The following CPXM2 variants were observed in gnomAD, a reference collection of about 807,000 sequenced individuals.
CPXM2 encodes inactive carboxypeptidase-like protein X2.
Under a neutral mutation model 86.1 loss-of-function variants are expected in CPXM2, and 66 were observed. The ratio of observed to expected loss-of-function variants is 0.77; its 90% CI spans 0.63 to 0.94. The LOEUF (loss-of-function observed/expected upper bound fraction) is 0.94, where lower values mean the gene tolerates loss of function less well. Among genes scored for constraint, CPXM2 ranks in the 40% least tolerant of loss-of-function variants. CPXM2 has a pLI of 0.00. For synonymous variants in CPXM2, 388 were observed against 400.2 expected, an observed-to-expected ratio of 0.97 and a Z score of 0.36; for missense variants, 948 against 1,026.3, an observed-to-expected ratio of 0.92 and a Z score of 1.04.
At chr10:123,785,133 C>A (rs1361896443) in intron 6 of CPXM2, among the ~76,000 whole-genome samples, 2 of 152,138 alleles carry the variant, frequency 1.3e-5, no homozygotes, top group African/African-American at 2.4e-5. Flanking sequence ...ATTTTCAATA[C>A]ATCTCTGCTT....
At chr10:123,924,316 TTC>T (rs1431771059) in intron 2 of CPXM2, among the ~76,000 whole-genome samples, 2 of 152,200 alleles carry the variant, frequency 1.3e-5, no homozygotes, top group East Asian at 3.9e-4. Flanking sequence ...TTACCCACAG[TTC>T]TGTCTGACGT....
chr10:123,813,400 C>A (rs1319977550), intron 4 of CPXM2, among the ~76,000 whole-genome samples: 2 of 152,156 alleles, frequency 1.3e-5, no homozygotes, highest in African/African-American at 2.4e-5. Flanking sequence ...ATGCTCTGTT[C>A]CCCTATTCTT....
At position 123,885,583 on chromosome 10, in the gene CPXM2, G is replaced by A. The variant is rs970367165; in HGVS notation, c.305-5274C>T. Among the ~76,000 whole-genome samples, 5 of 152,212 alleles carry A rather than the reference G, an allele frequency of 3.3e-5. No individual in the cohort carries two copies. The highest frequency in any genetic ancestry group is 1.3e-4 in the Admixed American group (2 of 15,292). The stretch of plus-strand genomic sequence containing the variant: ...TGCTAACCATCCTATGATGCCCAAC[G>A]AGTAGCCAGCTGGCTGCCAGCCAGA... On this transcript the variant is annotated intron_variant, in intron 1 of 13. Transcript: ENST00000241305. The surrounding 1 kb of genome is among the most constrained non-coding windows in gnomAD (Gnocchi z 4.0).
At chr10:123,933,332 CTTTG>C (rs1945684256) in intron 2 of CPXM2, among the ~76,000 whole-genome samples, 3 of 152,194 alleles carry the variant, frequency 2.0e-5, no homozygotes, top group Non-Finnish European at 4.4e-5. Context: ...TGTTCTGATC[CTTTG>C]ACGGCAGTGG....
At chr10:123,925,615 G>T (rs986037341) in intron 2 of CPXM2, among the ~76,000 whole-genome samples, 6 of 152,118 alleles carry the variant, frequency 3.9e-5, no homozygotes, top group African/African-American at 1.4e-4. Flanking sequence ...AACAAAATTG[G>T]CATCTCTTGC....
At chr10:123,924,304 G>C (rs1394493720) in intron 2 of CPXM2, among the ~76,000 whole-genome samples, 3 of 152,162 alleles carry the variant, frequency 2.0e-5, no homozygotes, top group African/African-American at 7.2e-5. Flanking sequence ...CGGGTCCCCA[G>C]GTTACCCACA....
chr10:123,748,829 C>T (rs980115916), intron 13 of CPXM2, among the ~76,000 whole-genome samples: 4 of 152,170 alleles, frequency 2.6e-5, no homozygotes, highest in Non-Finnish European at 4.4e-5. Flanking sequence ...CTGACAAGCC[C>T]GAGCGAGCCA....
rs115413071 is a variant in CPXM2 at position 123,819,246 on chromosome 10, T to C, written c.654-20047A>G. 5.9e-3 allele frequency among the ~76,000 whole-genome samples: 899 copies of C among 152,298 alleles called. 7 individuals carry two copies. The highest frequency in any genetic ancestry group is 0.021 in the African/African-American group (854 of 41,566). ...GAGATCCATTAGGTTGCCTCTTAAC[T>C]GTGTATTACTGTGCCCTGTGATTAG... On this transcript the variant is annotated intron_variant, in intron 4 of 13. Coordinates refer to ENST00000241305, the MANE Select transcript of CPXM2 (RefSeq NM_198148.3).
At chr10:123,896,780 T>C (rs1945341511), upstream of CPXM2, among the ~76,000 whole-genome samples, 1 of 152,210 alleles carries the variant, frequency 6.6e-6, no homozygotes. Flanking sequence ...CACCGGAGCC[T>C]GCTGAGCGGC....
chr10:123,814,928 G>A (rs1847782628), intron 4 of CPXM2, among the ~76,000 whole-genome samples: 1 of 152,196 alleles, frequency 6.6e-6, no homozygotes. Context: ...GGCAGGTTGA[G>A]CTGGGAGGAT....
intron 3 of CPXM2, among the ~76,000 whole-genome samples, chr10:123,857,041 G>A (rs572523608): frequency 2.6e-4 from 39 of 152,260 alleles, no homozygotes; most frequent in African/African-American, 6.7e-4. Context: ...TTAGTATAAA[G>A]GGGTCCTGGG....
intron 3 of CPXM2, among the ~76,000 whole-genome samples, chr10:123,856,079 A>G (rs1848715939): frequency 6.6e-6 from 1 of 152,158 alleles, no homozygotes; most frequent in South Asian, 2.1e-4. Flanking sequence ...TTTCCTTGTG[A>G]CCTCAAAACA....
At chr10:123,824,999 C>T (rs1456842340) in intron 4 of CPXM2, among the ~76,000 whole-genome samples, 1 of 152,202 alleles carries the variant, frequency 6.6e-6, no homozygotes, top group Non-Finnish European at 1.5e-5. Flanking sequence ...CTACCTTTCT[C>T]TCAAATCAAA....
chr10:123,873,143 C>T (rs114963737), intron 2 of CPXM2, among the ~76,000 whole-genome samples: 84 of 152,110 alleles, frequency 5.5e-4, no homozygotes, highest in African/African-American at 1.7e-3. Flanking sequence ...ATATACATTA[C>T]GATTTATACT....
chr10:123,779,616 T>A (rs1013505333), intron 7 of CPXM2, among the ~76,000 whole-genome samples: 1 of 152,138 alleles, frequency 6.6e-6, no homozygotes, highest in African/African-American at 2.4e-5. Flanking sequence ...CTTCACAAAT[T>A]TTCCCAGGTG....
chr10:123,911,694 A>G (rs1386524672), intron 2 of CPXM2, among the ~76,000 whole-genome samples: 1 of 151,938 alleles, frequency 6.6e-6, no homozygotes, highest in Non-Finnish European at 1.5e-5. Context: ...AACTCCAGAA[A>G]GTCACATGGG....
intron 10 of CPXM2, among the ~76,000 whole-genome samples, chr10:123,764,949 T>C (rs984567126): frequency 1.3e-5 from 2 of 152,238 alleles, no homozygotes; most frequent in African/African-American, 4.8e-5. Flanking sequence ...ATTTTCATTA[T>C]TATTCAGTTC....
intron 2 of CPXM2, among the ~76,000 whole-genome samples, chr10:123,929,245 G>T (rs543106426): frequency 6.6e-6 from 1 of 152,236 alleles, no homozygotes. Flanking sequence ...ATGGGCTGGG[G>T]CACTGGCAGA....
chr10:123,842,639 C>T (rs1848411407), intron 3 of CPXM2, 151 bp from the exon 4 acceptor site: 1 of 723,374 alleles, frequency 1.4e-6, no homozygotes, highest in South Asian at 1.9e-5. Context: ...CCCTGAACTC[C>T]TCATCCTAAA....
Sources: gnomAD v4.1 joint callset for allele counts (sites outside exome capture counted in the v4.1 genomes callset) on GRCh38, gnomAD v4.1.1 for gene constraint, Gnocchi (gnomAD v3.1) non-coding constraint, MANE v1.5 for transcripts, NCBI Gene and HGNC (gene_info 2026-07-23, HGNC 2026-07-21) for gene names.